MSANTD2: variants seen among roughly 807,000 people sequenced by gnomAD.
MSANTD2 encodes the protein Myb/SANT DNA binding domain containing 2.
Under a neutral mutation model 52.6 loss-of-function variants are expected in MSANTD2, and 19 were observed. The observed-to-expected ratio is 0.36, with a 90% CI of 0.25 to 0.53. The LOEUF is 0.53. Among genes scored for constraint, MSANTD2 ranks in the 20% least tolerant of loss-of-function variants. The pLI is 0.91. For missense variants in MSANTD2, 558 were observed against 716.3 expected, an observed-to-expected ratio of 0.78 and a Z score of 2.52; for synonymous variants, 291 against 289.7, an observed-to-expected ratio of 1.00 and a Z score of -0.04.
rs139994257 is a variant in MSANTD2, at chr11:124,774,752, C to A, written c.733G>T (p.Asp245Tyr). ...SQEDWGNHSQ[D>Y]LHGYPTDQEL... Reference sequence around the variant, plus strand: ...TGATCTGTTGGATAGCCATGGAGATCCTGACTGTGGTTTCCCCAGTCCTCC... The same window carrying A: ...TGATCTGTTGGATAGCCATGGAGATACTGACTGTGGTTTCCCCAGTCCTCC... Residue 245 changes from aspartate (D) to tyrosine (Y), a missense_variant, in exon 2 of 4, where the codon GAT becomes TAT. By Grantham distance (160) the Asp-to-Tyr change is radical. Transcript: ENST00000374979. This position sits in a 1 kb window ranked among gnomAD's most constrained non-coding sequence, Gnocchi z 5.1. 5 of 1,614,062 alleles carry A rather than the reference C, an allele frequency of 3.1e-6. No individual in the cohort carries two copies. The highest frequency in any genetic ancestry group is 4.2e-6 in the Non-Finnish European group (5 of 1,180,048).
chr11:124,774,987 G>A lies in MSANTD2; in HGVS notation c.511-13C>T. On this transcript the variant is annotated splice_polypyrimidine_tract_variant and intron_variant, in intron 1 of 3. Coordinates refer to ENST00000374979, the MANE Select transcript of MSANTD2 (RefSeq NM_001308027.2). The surrounding 1 kb of genome is among the most constrained non-coding windows in gnomAD (Gnocchi z 5.1). ...ACCTGCGAAGGGTCTAAGACACAAA[G>A]TCTTTTGTTATTCCTTTAAAGCTGT... 1 of 1,536,882 alleles carries A rather than the reference G, an allele frequency of 6.5e-7. No individual in the cohort carries two copies. The highest frequency in any genetic ancestry group is 8.7e-7 in the Non-Finnish European group (1 of 1,146,198).
intron 1 of MSANTD2, chr11:124,784,263 A>C (rs1945085136): frequency 2.0e-6 from 2 of 985,366 alleles, no homozygotes; most frequent in Non-Finnish European, 2.4e-6. Context: ...ACCTCTTTGA[A>C]TCTTTTTCTC....
chr11:124,774,987 G>C lies in MSANTD2; in HGVS notation c.511-13C>G. ...ACCTGCGAAGGGTCTAAGACACAAA[G>C]TCTTTTGTTATTCCTTTAAAGCTGT... On this transcript the variant is annotated splice_polypyrimidine_tract_variant and intron_variant, in intron 1 of 3. Transcript: ENST00000374979. The surrounding 1 kb of genome is among the most constrained non-coding windows in gnomAD (Gnocchi z 5.1). 1 of 1,536,882 alleles carries C rather than the reference G, an allele frequency of 6.5e-7. No homozygotes were observed. Among genetic ancestry groups the C allele is most frequent in the Non-Finnish European group, 8.7e-7 (1 of 1,146,198 alleles).
chr11:124,767,821 A>G lies in MSANTD2; in HGVS notation c.1035T>C (p.Leu345=). 6.2e-7 allele frequency: 1 copy of G among 1,614,222 alleles called. No individual in the cohort carries two copies. Among genetic ancestry groups the G allele is most frequent in the Non-Finnish European group, 8.5e-7 (1 of 1,180,028 alleles). Reference sequence around the variant, plus strand: ...GCTTCTCAGAGTTGAAGTACTCCCGAAGTCGCTTGCCAAGGGGCACCTGGG... The same window carrying G: ...GCTTCTCAGAGTTGAAGTACTCCCGGAGTCGCTTGCCAAGGGGCACCTGGG... ...ISSQVPLGKR[L]REYFNSEKPE... Residue 345 remains leucine (L), a synonymous_variant, in exon 4 of 4, where the codon CTT becomes CTC. Coordinates refer to ENST00000374979, the MANE Select transcript of MSANTD2 (RefSeq NM_001308027.2). This position sits in a 1 kb window ranked among gnomAD's most constrained non-coding sequence, Gnocchi z 6.5.
chr11:124,799,181 A>G (rs1057495170), intron 1 of MSANTD2, among the ~76,000 whole-genome samples: 6 of 152,210 alleles, frequency 3.9e-5, no homozygotes, highest in African/African-American at 1.2e-4. Flanking sequence ...CCTCAAGCCA[A>G]TCTAACTCTG....
chr11:124,788,354 CCTT>C (rs1945229313), intron 1 of MSANTD2, among the ~76,000 whole-genome samples: 2 of 151,934 alleles, frequency 1.3e-5, no homozygotes. Flanking sequence ...ATCTTTCATT[CCTT>C]TTTTGGTGCA....
intron 1 of MSANTD2, 112 bp downstream of exon 1, chr11:124,799,759 C>T: frequency 1.4e-6 from 1 of 715,284 alleles, no homozygotes; most frequent in South Asian, 2.0e-5. Flanking sequence ...GCGAATCGCC[C>T]ACCGGGCCCC....
At chr11:124,782,556 C>T (rs1945017609) in intron 1 of MSANTD2, among the ~76,000 whole-genome samples, 1 of 152,108 alleles carries the variant, frequency 6.6e-6, no homozygotes, top group African/African-American at 2.4e-5. Context: ...GGAAGCAAGG[C>T]CCAAAGATAA....
intron 1 of MSANTD2, chr11:124,790,812 C>A: frequency 5.9e-6 from 1 of 168,964 alleles, no homozygotes; most frequent in South Asian, 1.6e-4. Context: ...CTGCTTCACC[C>A]TTTATCTCAA....
At chr11:124,791,413 T>C in intron 1 of MSANTD2, 1 of 1,333,194 alleles carries the variant, frequency 7.5e-7, no homozygotes, top group South Asian at 1.2e-5. Context: ...GAACTCAGTG[T>C]ACAGGGTGAG....
chr11:124,791,384 C>A (rs748662327), intron 1 of MSANTD2: 12 of 1,360,556 alleles, frequency 8.8e-6, no homozygotes, highest in Non-Finnish European at 1.3e-5. Flanking sequence ...TCATTACGGG[C>A]TACATCATCA....
At chr11:124,773,239 A>G (rs1944606787) in intron 2 of MSANTD2, 185 bp from the exon 3 acceptor site, 5 of 449,920 alleles carry the variant, frequency 1.1e-5, no homozygotes, top group Non-Finnish European at 2.0e-5. Context: ...GCATACATTT[A>G]TATGTAACAT....
rs1485923266 is a variant in MSANTD2, at chr11:124,768,010, C to T, written c.846G>A (p.Gln282=). 6.2e-7 allele frequency: 1 copy of T among 1,603,612 alleles called. No homozygotes were observed. The highest frequency in any genetic ancestry group is 2.2e-5 in the East Asian group (1 of 44,660). ...SEEAQKRDIM[Q]NIVQILESVQ... ...CCGATTCCAAAATCTGTACAATATT[C>T]TGCATGATGTCTCTCTTCCTGGAAA... The change falls in exon 4 of 4, where the codon CAG becomes CAA. Residue 282 remains glutamine (Q), a synonymous_variant. Coordinates refer to ENST00000374979, the MANE Select transcript of MSANTD2 (RefSeq NM_001308027.2).
intron 1 of MSANTD2, among the ~76,000 whole-genome samples, chr11:124,776,913 C>T (rs187058389): frequency 9.8e-5 from 15 of 152,322 alleles, no homozygotes; most frequent in Admixed American, 7.2e-4. Flanking sequence ...TCTTCTTCCT[C>T]TTTGTAAAAG....
At chr11:124,780,158 T>TA (rs1433772074) in intron 1 of MSANTD2, among the ~76,000 whole-genome samples, 1 of 152,152 alleles carries the variant, frequency 6.6e-6, no homozygotes, top group East Asian at 1.9e-4. Flanking sequence ...CATACATAAA[T>TA]AAAAAAACAT....
intron 1 of MSANTD2, among the ~76,000 whole-genome samples, chr11:124,781,707 C>T (rs1944978669): frequency 6.7e-6 from 1 of 149,262 alleles, no homozygotes; most frequent in Non-Finnish European, 1.5e-5. Flanking sequence ...GGCTGGAGTG[C>T]AGTGGCACAA....
intron 3 of MSANTD2, among the ~76,000 whole-genome samples, chr11:124,771,009 G>A (rs188414218): frequency 5.3e-5 from 8 of 152,164 alleles, no homozygotes; most frequent in Non-Finnish European, 4.4e-5. Context: ...TGCAATTACC[G>A]GCATGAGCCA....
chr11:124,788,668 C>T (rs959002248), intron 1 of MSANTD2, among the ~76,000 whole-genome samples: 1 of 152,248 alleles, frequency 6.6e-6, no homozygotes, highest in East Asian at 1.9e-4. Context: ...CTCTTTAGGG[C>T]TCCACATAAT....
At chr11:124,788,406 T>C (rs968122264) in intron 1 of MSANTD2, among the ~76,000 whole-genome samples, 4 of 152,230 alleles carry the variant, frequency 2.6e-5, no homozygotes, top group African/African-American at 9.6e-5. Context: ...TTACCACTAC[T>C]GTTTCTTGAA....
Sources: allele counts gnomAD v4.1 joint callset (sites outside exome capture counted in the v4.1 genomes callset), GRCh38; gene constraint gnomAD v4.1.1; non-coding constraint Gnocchi (gnomAD v3.1); transcripts MANE v1.5; gene names NCBI Gene and HGNC (gene_info 2026-07-23, HGNC 2026-07-21).